NR6A1: variants seen among roughly 807,000 people sequenced by gnomAD.
The protein encoded by NR6A1 is nuclear receptor subfamily 6 group A member 1.
NR6A1 carries 7 observed loss-of-function variants against 59.1 expected under a neutral mutation model. The observed-to-expected ratio is 0.12, with a 90% CI of 0.07 to 0.22. The LOEUF is 0.22. Among genes scored for constraint, NR6A1 ranks in the 10% least tolerant of loss-of-function variants. The probability of loss-of-function intolerance (pLI) is 1.00; values close to 1 mark genes in which losing one functional copy is unlikely to be tolerated. For synonymous variants in NR6A1, 243 were observed against 236.1 expected (o/e 1.03, Z -0.27); for missense variants, 468 against 611.6 (o/e 0.77, Z 2.48).
intron 2 of NR6A1, among the ~76,000 whole-genome samples, chr9:124,722,828 C>G (rs1839601672): frequency 6.6e-6 from 1 of 152,110 alleles, no homozygotes; most frequent in Admixed American, 6.5e-5. Context: ...TCAGGTGATC[C>G]TCCCACCTCA....
rs536370069 is a variant in NR6A1, at chr9:124,638,523, C to T, written c.143-83953G>A. On this transcript the variant is annotated intron_variant, in intron 2 of 9. Coordinates refer to ENST00000487099, the MANE Select transcript of NR6A1 (RefSeq NM_033334.4). ...AGACAGGAACAGAACAAGATTGTGG[C>T]TTGTGTATCATCAAATCTGACACCT... 3.3e-5 allele frequency among the ~76,000 whole-genome samples: 5 copies of T among 152,286 alleles called. No individual in the cohort carries two copies. In the South Asian group the frequency reaches 8.3e-4, roughly 25 times the overall value.
intron 2 of NR6A1, among the ~76,000 whole-genome samples, chr9:124,727,661 T>C (rs1160978377): frequency 6.6e-6 from 1 of 152,180 alleles, no homozygotes; most frequent in Non-Finnish European, 1.5e-5. Context: ...GTGACTCTTA[T>C]GCTCTCCGCT....
intron 1 of NR6A1, among the ~76,000 whole-genome samples, chr9:124,769,816 G>C (rs991251314): frequency 6.6e-6 from 1 of 152,230 alleles, no homozygotes; most frequent in Admixed American, 6.5e-5. Context: ...TGTAATGCAG[G>C]CCTCCCGGGG....
chr9:124,592,079 G>T (rs1835141145), intron 2 of NR6A1, among the ~76,000 whole-genome samples: 1 of 152,176 alleles, frequency 6.6e-6, no homozygotes, highest in Non-Finnish European at 1.5e-5. Context: ...TTGTTTGGTT[G>T]CCATATTTGT....
intron 1 of NR6A1, among the ~76,000 whole-genome samples, chr9:124,770,537 T>C (rs955140480): frequency 1.4e-5 from 2 of 144,430 alleles, no homozygotes; most frequent in Non-Finnish European, 1.5e-5. Context: ...GGAACCCCTG[T>C]AGGGGAAAAG....
At chr9:124,670,554 G>A (rs1588765509) in intron 2 of NR6A1, among the ~76,000 whole-genome samples, 2 of 149,310 alleles carry the variant, frequency 1.3e-5, no homozygotes, top group Middle Eastern at 6.8e-3. Context: ...GCTCCACGCA[G>A]AGGCAGCTGA....
intron 1 of NR6A1, among the ~76,000 whole-genome samples, chr9:124,736,433 C>A (rs1303841146): frequency 6.6e-6 from 1 of 152,182 alleles, no homozygotes; most frequent in Non-Finnish European, 1.5e-5. Flanking sequence ...CTGTTAATGG[C>A]ACCCTGATTT....
At chr9:124,679,463 G>A (rs1838059121) in intron 2 of NR6A1, among the ~76,000 whole-genome samples, 1 of 152,124 alleles carries the variant, frequency 6.6e-6, no homozygotes, top group Non-Finnish European at 1.5e-5. Flanking sequence ...ATCCGCACCT[G>A]CCCCCTGATT....
intron 2 of NR6A1, among the ~76,000 whole-genome samples, chr9:124,696,412 C>T (rs1838763351): frequency 6.6e-6 from 1 of 152,034 alleles, no homozygotes; most frequent in Admixed American, 6.6e-5. Context: ...TGACCCCCTT[C>T]CATCATCCTG....
chr9:124,626,926 C>G (rs1433303292), intron 2 of NR6A1, among the ~76,000 whole-genome samples: 2 of 152,014 alleles, frequency 1.3e-5, no homozygotes, highest in African/African-American at 4.8e-5. Flanking sequence ...GAGTGAGACT[C>G]CATCTCAAAA....
intron 2 of NR6A1, among the ~76,000 whole-genome samples, chr9:124,639,483 A>G (rs1432146042): frequency 1.3e-5 from 2 of 152,224 alleles, no homozygotes; most frequent in Admixed American, 1.3e-4. Context: ...ACTTTGCTCA[A>G]GGTCTCATGG....
chr9:124,637,377 A>G (rs1343800770), intron 2 of NR6A1, among the ~76,000 whole-genome samples: 1 of 152,196 alleles, frequency 6.6e-6, no homozygotes, highest in Non-Finnish European at 1.5e-5. Flanking sequence ...AATTCTTCCT[A>G]TAGGTGGGAA....
intron 2 of NR6A1, among the ~76,000 whole-genome samples, chr9:124,602,376 C>T (rs191331333): frequency 9.9e-5 from 15 of 152,272 alleles, no homozygotes; most frequent in Non-Finnish European, 2.1e-4. Flanking sequence ...TCTCAAGACC[C>T]AGATTGGCCC....
At chr9:124,643,936 CTG>C (rs1272930288) in intron 2 of NR6A1, among the ~76,000 whole-genome samples, 25 of 152,284 alleles carry the variant, frequency 1.6e-4, no homozygotes, top group Admixed American at 1.1e-3. Flanking sequence ...GAGTCTCACT[CTG>C]TCACCAGGCT....
chr9:124,628,229 C>T (rs1414048622), intron 2 of NR6A1, among the ~76,000 whole-genome samples: 4 of 152,070 alleles, frequency 2.6e-5, no homozygotes, highest in Non-Finnish European at 4.4e-5. Context: ...GGTTTAACCA[C>T]GTTGGCCAGA....
intron 1 of NR6A1, among the ~76,000 whole-genome samples, chr9:124,748,704 C>CA (rs924634504): frequency 1.2e-3 from 175 of 143,466 alleles, no homozygotes; most frequent in Middle Eastern, 3.5e-3. Context: ...ATTAAAAATA[C>CA]AAAAAAAAAA....
intron 1 of NR6A1, among the ~76,000 whole-genome samples, chr9:124,767,003 A>G (rs1840951727): frequency 6.6e-6 from 1 of 152,170 alleles, no homozygotes. Flanking sequence ...CACAACAAAC[A>G]CTAGGGGTGG....
intron 2 of NR6A1, among the ~76,000 whole-genome samples, chr9:124,638,982 T>C (rs961370560): frequency 6.6e-6 from 1 of 152,112 alleles, no homozygotes; most frequent in African/African-American, 2.4e-5. Context: ...TACAAGTACA[T>C]AGGTAAGTAT....
chr9:124,668,018 C>T (rs762640276), intron 2 of NR6A1, among the ~76,000 whole-genome samples: 2 of 152,108 alleles, frequency 1.3e-5, no homozygotes, highest in Admixed American at 6.6e-5. Context: ...GGGGACCAAC[C>T]TCCCATGCAG....
Sources: allele counts gnomAD v4.1 joint callset (sites outside exome capture counted in the v4.1 genomes callset), GRCh38; gene constraint gnomAD v4.1.1; transcripts MANE v1.5; gene names NCBI Gene and HGNC (gene_info 2026-07-23, HGNC 2026-07-21).